Variants in REEP3 observed in about 807,000 individuals in gnomAD.
The protein encoded by REEP3 is receptor accessory protein 3.
REEP3 carries 20 observed loss-of-function variants against 41.3 expected under a neutral mutation model. The observed-to-expected ratio is 0.48, with a 90% confidence interval of 0.34 to 0.70. The LOEUF (loss-of-function observed/expected upper bound fraction) is 0.70, where lower values mean the gene tolerates loss of function less well. REEP3 is among the 30% of genes least tolerant of loss of function. REEP3 has a pLI of 0.01. For synonymous variants in REEP3, 104 were observed against 101.8 expected (o/e 1.02, Z -0.13); for missense variants, 271 against 308.8 (o/e 0.88, Z 0.92).
In REEP3 at chr10:63,598,068, T is replaced by A; in HGVS notation, c.227T>A (p.Leu76Gln). 6.2e-7 allele frequency: 1 copy of A among 1,609,554 alleles called. No individual in the cohort carries two copies. The highest frequency in any genetic ancestry group is 8.5e-7 in the Non-Finnish European group (1 of 1,175,902). The change falls in exon 4 of 8, where the codon CTG becomes CAG. Residue 76 changes from leucine (L) to glutamine (Q), a missense_variant. Physicochemically the swap from Leu to Gln is moderately radical, Grantham distance 113. Coordinates refer to ENST00000373758, the MANE Select transcript of REEP3 (RefSeq NM_001001330.3). Reference protein sequence around the residue: ...YELKIAFVIWLLSPYTKGASL... With the variant: ...YELKIAFVIWQLSPYTKGASL... ...CTGAAGATTGCTTTTGTCATATGGC[T>A]GCTTTCTCCCTATACCAAAGGAGCA...
chr10:63,603,269 C>T (rs1201087640), intron 5 of REEP3, among the ~76,000 whole-genome samples: 2 of 133,564 alleles, frequency 1.5e-5, no homozygotes, highest in African/African-American at 2.8e-5. Flanking sequence ...GCCGAGATCG[C>T]GCCACTGCAC....
chr10:63,563,025 A>G (rs1366748569), intron 1 of REEP3: 4 of 456,426 alleles, frequency 8.8e-6, no homozygotes, highest in South Asian at 4.6e-5. Context: ...CACACACACA[A>G]ACTGAGGGGC....
chr10:63,572,039 T>C (rs1284475565), intron 2 of REEP3, among the ~76,000 whole-genome samples: 1 of 152,136 alleles, frequency 6.6e-6, no homozygotes, highest in Non-Finnish European at 1.5e-5. Flanking sequence ...GCCATATAGA[T>C]ATTTTCCAAG....
Position 63,550,186 on chromosome 10 carries a change from C to G in REEP3, c.33-16152C>G, listed in dbSNP as rs184495065. 1.1e-3 allele frequency among the ~76,000 whole-genome samples: 168 copies of G among 152,242 alleles called. 1 individual carries two copies. In the South Asian group the frequency reaches 0.019, roughly 17 times the overall value. On this transcript the variant is annotated intron_variant, in intron 1 of 7. Transcript: ENST00000373758. ...TGCATGTATTCTCACCAAGGGAGAA[C>G]CACCAGGACTGGGTTACAGATGGGA...
At chr10:63,541,544 A>C (rs1409624111) in intron 1 of REEP3, among the ~76,000 whole-genome samples, 1 of 152,224 alleles carries the variant, frequency 6.6e-6, no homozygotes, top group African/African-American at 2.4e-5. Context: ...AGCAGTGTAT[A>C]TTAGCTACAG....
At chr10:63,567,909 A>T (rs1165404645) in intron 2 of REEP3, among the ~76,000 whole-genome samples, 1 of 152,170 alleles carries the variant, frequency 6.6e-6, no homozygotes, top group Non-Finnish European at 1.5e-5. Flanking sequence ...TTCTGAAGTG[A>T]AGTATATATT....
chr10:63,594,165 C>T (rs1480632487), intron 2 of REEP3, among the ~76,000 whole-genome samples: 1 of 151,240 alleles, frequency 6.6e-6, no homozygotes, highest in Non-Finnish European at 1.5e-5. Context: ...ATAGCTTGAG[C>T]CCAAGGAGTC....
At chr10:63,580,074 TAGTA>T (rs1316507019) in intron 2 of REEP3, among the ~76,000 whole-genome samples, 3 of 152,242 alleles carry the variant, frequency 2.0e-5, no homozygotes, top group Non-Finnish European at 4.4e-5. Flanking sequence ...ATTGAAATGA[TAGTA>T]ATATATATCA....
intron 1 of REEP3, among the ~76,000 whole-genome samples, chr10:63,565,000 A>G (rs1020283667): frequency 2.6e-5 from 4 of 152,114 alleles, no homozygotes; most frequent in East Asian, 1.9e-4. Context: ...GCTCATGCCT[A>G]TAATCCCAGC....
chr10:63,619,504 A>G, intron 6 of REEP3, 151 bp from the exon 7 acceptor site: 1 of 557,812 alleles, frequency 1.8e-6, no homozygotes, highest in Non-Finnish European at 3.0e-6. Flanking sequence ...GGCAAAGCTT[A>G]ATGATAAAGG....
intron 1 of REEP3, among the ~76,000 whole-genome samples, chr10:63,544,796 T>C (rs78547272): frequency 5.1e-4 from 78 of 152,348 alleles, no homozygotes; most frequent in African/African-American, 1.9e-3. Flanking sequence ...AGTAAGTTTT[T>C]AAAGTAACAT....
intron 2 of REEP3, among the ~76,000 whole-genome samples, chr10:63,592,681 A>G (rs934376080): frequency 2.9e-4 from 44 of 149,562 alleles, no homozygotes; most frequent in Non-Finnish European, 5.5e-4. Context: ...GTCTGAGGTC[A>G]GGAGTTCGAG....
chr10:63,566,617 A>G (rs1031399623), intron 2 of REEP3, among the ~76,000 whole-genome samples: 4 of 152,234 alleles, frequency 2.6e-5, no homozygotes, highest in African/African-American at 9.6e-5. Flanking sequence ...GGTTCCCAAG[A>G]TGAGTAATTG....
rs186930799 is a variant in REEP3, at chr10:63,540,244, C to G, written c.32+18667C>G. ...ATTCTCTACAGTACCTCATGAAATT[C>G]AACTTGGAAATGCAATTTATATTTC... On this transcript the variant is annotated intron_variant, in intron 1 of 7. Coordinates refer to ENST00000373758, the MANE Select transcript of REEP3 (RefSeq NM_001001330.3). 2.5e-3 allele frequency among the ~76,000 whole-genome samples: 376 copies of G among 152,272 alleles called. 1 individual carries two copies. Among genetic ancestry groups the G allele is most frequent in the Non-Finnish European group, 4.2e-3 (286 of 68,006 alleles).
In REEP3 at chr10:63,623,830, C is replaced by G. The variant is rs1373944584; in HGVS notation, c.*2961C>G. The G allele has an allele frequency of 6.6e-6, 1 of 151,204 alleles. No homozygotes were observed. The highest frequency in any genetic ancestry group is 1.5e-5 in the Non-Finnish European group (1 of 67,722). The allele number at this position is 151,204 out of a possible 1,614,324, so 9.4% of individuals were successfully genotyped here. On this transcript the variant is annotated 3_prime_UTR_variant, in exon 8 of 8. Transcript: ENST00000373758. ...CTAAAAAATTATACTGCCAAAATTA[C>G]TGATTATAAATACTTGACTACACTG...
At chr10:63,563,397 G>A (rs1434872552) in intron 1 of REEP3, among the ~76,000 whole-genome samples, 6 of 152,172 alleles carry the variant, frequency 3.9e-5, no homozygotes, top group East Asian at 1.9e-4. Context: ...AAGGAACTGG[G>A]GCTCCTTGGA....
intron 5 of REEP3, among the ~76,000 whole-genome samples, chr10:63,599,906 T>C (rs775127056): frequency 6.6e-6 from 1 of 152,238 alleles, no homozygotes; most frequent in Non-Finnish European, 1.5e-5. Flanking sequence ...TTTAGCATAA[T>C]TGATTTTGGT....
chr10:63,550,178 A>G (rs966092323), intron 1 of REEP3, among the ~76,000 whole-genome samples: 1 of 152,228 alleles, frequency 6.6e-6, no homozygotes, highest in Non-Finnish European at 1.5e-5. Context: ...ATTCTCACCA[A>G]GGGAGAACCA....
chr10:63,541,783 T>C (rs528807882), intron 1 of REEP3, among the ~76,000 whole-genome samples: 1 of 152,230 alleles, frequency 6.6e-6, no homozygotes, highest in South Asian at 2.1e-4. Flanking sequence ...CAACAAAGGA[T>C]AGGCAATATT....
Sources: gnomAD v4.1 joint callset for allele counts (sites outside exome capture counted in the v4.1 genomes callset) on GRCh38, gnomAD v4.1.1 for gene constraint, MANE v1.5 for transcripts, NCBI Gene and HGNC (gene_info 2026-07-23, HGNC 2026-07-21) for gene names.